USP50: variants seen among roughly 807,000 people sequenced by gnomAD.
The protein encoded by USP50 is ubiquitin specific peptidase 50.
Under a neutral mutation model 39.2 loss-of-function variants are expected in USP50, and 37 were observed. The observed-to-expected ratio is 0.94, with a 90% CI of 0.73 to 1.24. The LOEUF (loss-of-function observed/expected upper bound fraction) is 1.24. Among genes scored for constraint, USP50 ranks in the 50% most tolerant of loss-of-function variants. The probability of loss-of-function intolerance (pLI) is 0.00; values close to 1 mark genes in which losing one functional copy is unlikely to be tolerated. For missense variants in USP50, 374 were observed against 398.2 expected, an observed-to-expected ratio of 0.94 and a Z score of 0.52; for synonymous variants, 139 against 144.5, an observed-to-expected ratio of 0.96 and a Z score of 0.27.
intron 3 of USP50, among the ~76,000 whole-genome samples, chr15:50,541,528 A>G (rs2053030217): frequency 6.6e-6 from 1 of 152,064 alleles, no homozygotes; most frequent in Non-Finnish European, 1.5e-5. Flanking sequence ...AAAAAGGAAA[A>G]GTTTTCAATA....
At chr15:50,530,443 G>T (rs898934516) in intron 5 of USP50, among the ~76,000 whole-genome samples, 1 of 151,746 alleles carries the variant, frequency 6.6e-6, no homozygotes, top group African/African-American at 2.4e-5. Flanking sequence ...AATTAGCCGG[G>T]CATGGTAGTG....
chr15:50,511,542 T>G (rs538860645), intron 6 of USP50: 5 of 152,322 alleles, frequency 3.3e-5, no homozygotes, highest in South Asian at 2.1e-4. Context: ...CTGGATGGAT[T>G]AAGGAAATGT....
At chr15:50,498,753 C>T (rs1566895525), downstream of USP50, 21 of 1,574,524 alleles carry the variant, frequency 1.3e-5, no homozygotes, top group Non-Finnish European at 1.7e-5. Flanking sequence ...GAACTGAAGA[C>T]TTTTTGTTTC....
At chr15:50,499,824 T>C (rs1465052457), downstream of USP50, 1 of 152,154 alleles carries the variant, frequency 6.6e-6, no homozygotes, top group African/African-American at 2.4e-5. Flanking sequence ...TTATCAAATA[T>C]AGGACAGTAA....
intron 6 of USP50, chr15:50,504,552 G>T (rs576033377): frequency 1.3e-5 from 2 of 152,236 alleles, no homozygotes; most frequent in South Asian, 4.2e-4. Flanking sequence ...CACCAGAAAA[G>T]ACACCATTTT....
At chr15:50,495,165 G>T (rs2052328028) in intron 1 of USP50, among the ~76,000 whole-genome samples, 1 of 151,202 alleles carries the variant, frequency 6.6e-6, no homozygotes, top group Non-Finnish European at 1.5e-5. Flanking sequence ...ATATTTTGGG[G>T]TCACCATTCT....
At chr15:50,513,736 G>C (rs1195487607) in intron 6 of USP50, 1 of 152,164 alleles carries the variant, frequency 6.6e-6, no homozygotes, top group Non-Finnish European at 1.5e-5. Context: ...TGGGCAACCA[G>C]AAGGGCCAAA....
chr15:50,503,355 TG>T (rs1283491889), intron 6 of USP50: 1 of 152,282 alleles, frequency 6.6e-6, no homozygotes, highest in Non-Finnish European at 1.5e-5. Flanking sequence ...AACAACAGTA[TG>T]GTGTGTGGTT....
intron 6 of USP50, chr15:50,510,548 T>A (rs931227834): frequency 6.6e-6 from 1 of 152,198 alleles, no homozygotes. Context: ...TAAATTTTCT[T>A]ACATATAATT....
chr15:50,495,495 T>TCTCA (rs2052362667), intron 1 of USP50, among the ~76,000 whole-genome samples: 2 of 139,156 alleles, frequency 1.4e-5, no homozygotes, highest in South Asian at 4.5e-4. Context: ...GAGGGGGGGG[T>TCTCA]CTCACTATGT....
At chr15:50,493,153 A>G (rs903102007), downstream of USP50, 1 of 595,290 alleles carries the variant, frequency 1.7e-6, no homozygotes, top group Non-Finnish European at 3.1e-6. Flanking sequence ...GAAAGAGGAC[A>G]GACTCGTCCT....
At chr15:50,498,055 C>G (rs974098233), downstream of USP50, among the ~76,000 whole-genome samples, 3 of 152,090 alleles carry the variant, frequency 2.0e-5, no homozygotes, top group African/African-American at 7.2e-5. Flanking sequence ...TACACATTTG[C>G]TAAAATTTTT....
At chr15:50,525,411 C>G (rs2052880189) in intron 6 of USP50, among the ~76,000 whole-genome samples, 1 of 151,312 alleles carries the variant, frequency 6.6e-6, no homozygotes, top group Non-Finnish European at 1.5e-5. Flanking sequence ...TGCCTCACCA[C>G]AAAAAATAAG....
intron 5 of USP50, among the ~76,000 whole-genome samples, chr15:50,537,386 G>A (rs2141376285): frequency 6.6e-6 from 1 of 152,238 alleles, no homozygotes. Flanking sequence ...ATAATCTTGT[G>A]TTTGGCAATG....
chr15:50,540,095 G>A (rs2053016688), intron 4 of USP50, among the ~76,000 whole-genome samples: 1 of 152,192 alleles, frequency 6.6e-6, no homozygotes, highest in African/African-American at 2.4e-5. Flanking sequence ...GCAATAAAAT[G>A]TGCTTTCGTA....
downstream of USP50, among the ~76,000 whole-genome samples, chr15:50,496,577 T>C (rs2052420066): frequency 6.6e-6 from 1 of 152,168 alleles, no homozygotes; most frequent in Non-Finnish European, 1.5e-5. Context: ...TAGAAATTTC[T>C]TTTTTAAAGA....
At chr15:50,494,315 C>T in intron 1 of USP50, 2 of 1,556,534 alleles carry the variant, frequency 1.3e-6, no homozygotes, top group South Asian at 1.2e-5. Flanking sequence ...TGCAGAGACT[C>T]TTTAGGGTTG....
chr15:50,532,178 G>A (rs748781797), intron 5 of USP50: 13 of 456,106 alleles, frequency 2.9e-5, no homozygotes, highest in Non-Finnish European at 4.4e-5. Context: ...CCTTCCAGGA[G>A]CCCAACCACA....
At chr15:50,501,903 G>A (rs1239212482) in intron 6 of USP50, 4 of 152,144 alleles carry the variant, frequency 2.6e-5, no homozygotes, top group Non-Finnish European at 5.9e-5. Context: ...AAATTCAAAT[G>A]TCAATGTCCT....
Sources: gnomAD v4.1 joint callset for allele counts (sites outside exome capture counted in the v4.1 genomes callset) on GRCh38, gnomAD v4.1.1 for gene constraint, MANE v1.5 for transcripts, NCBI Gene and HGNC (gene_info 2026-07-23, HGNC 2026-07-21) for gene names.